The following LINGO2 variants were observed in gnomAD, a reference collection of about 807,000 sequenced individuals.
LINGO2 encodes the protein leucine-rich repeat and immunoglobulin-like domain-containing nogo receptor-interacting protein 2.
A neutral mutation model predicts 30.6 loss-of-function variants in LINGO2; 14 were observed. The ratio of observed to expected loss-of-function variants is 0.46; its 90% CI spans 0.30 to 0.72. The LOEUF (loss-of-function observed/expected upper bound fraction) is 0.72. Among genes scored for constraint, LINGO2 ranks in the 30% least tolerant of loss-of-function variants. The pLI is 0.07. For missense variants in LINGO2, 729 were observed against 751.7 expected (o/e 0.97, Z 0.35); for synonymous variants, 317 against 288.5 (o/e 1.10, Z -1.00).
the LINGO2 span, among the ~76,000 whole-genome samples, chr9:28,806,701 A>G: frequency 2.6e-5 from 4 of 152,268 alleles, no homozygotes; most frequent in Admixed American, 2.0e-4. Flanking sequence ...TAGTGACATA[A>G]ATGATCTATA....
chr9:28,682,049 G>A, the LINGO2 span, among the ~76,000 whole-genome samples: 3 of 152,146 alleles, frequency 2.0e-5, no homozygotes, highest in African/African-American at 7.2e-5. Context: ...TACATAGTAA[G>A]TGTTTTCTGA....
At chr9:28,084,534 T>C (rs890731155) in intron 4 of LINGO2, among the ~76,000 whole-genome samples, 1 of 152,112 alleles carries the variant, frequency 6.6e-6, no homozygotes, top group Non-Finnish European at 1.5e-5. Context: ...AATTTAATTC[T>C]TCAAATTAAA....
the LINGO2 span, among the ~76,000 whole-genome samples, chr9:28,992,069 G>C: frequency 3.3e-5 from 5 of 152,118 alleles, no homozygotes; most frequent in African/African-American, 1.2e-4. Flanking sequence ...ACACAGACTG[G>C]CAAGTTGGAT....
the LINGO2 span, among the ~76,000 whole-genome samples, chr9:28,746,945 T>G: frequency 1.3e-5 from 2 of 152,028 alleles, no homozygotes; most frequent in Non-Finnish European, 2.9e-5. Flanking sequence ...ACTGAATGAC[T>G]ATATGTCACA....
chr9:28,591,397 A>G (rs965990132), intron 1 of LINGO2, among the ~76,000 whole-genome samples: 1 of 152,020 alleles, frequency 6.6e-6, no homozygotes, highest in Non-Finnish European at 1.5e-5. Flanking sequence ...TGTAGCAGAA[A>G]AAAATAATAA....
chr9:29,166,843 T>C, the LINGO2 span, among the ~76,000 whole-genome samples: 1 of 152,052 alleles, frequency 6.6e-6, no homozygotes, highest in Non-Finnish European at 1.5e-5. Flanking sequence ...CAAAATTCAT[T>C]TAGATGCTCA....
chr9:28,649,833 G>A (rs551253906), intron 1 of LINGO2, among the ~76,000 whole-genome samples: 1 of 152,122 alleles, frequency 6.6e-6, no homozygotes, highest in East Asian at 1.9e-4. Context: ...ACAGAAAAAG[G>A]TAATCTAAAG....
the LINGO2 span, among the ~76,000 whole-genome samples, chr9:28,699,104 G>T: frequency 2.7e-3 from 409 of 151,684 alleles, 2 homozygotes; most frequent in African/African-American, 8.7e-3. Context: ...CAATTACTAT[G>T]GTCAATGAAC....
chr9:29,128,085 A>G, the LINGO2 span, among the ~76,000 whole-genome samples: 2 of 152,084 alleles, frequency 1.3e-5, no homozygotes, highest in Non-Finnish European at 2.9e-5. Context: ...GGATGATATA[A>G]GTCAAGATCT....
chr9:28,398,999 C>G (rs1323051555), intron 2 of LINGO2, among the ~76,000 whole-genome samples: 1 of 152,072 alleles, frequency 6.6e-6, no homozygotes, highest in African/African-American at 2.4e-5. Context: ...CTTTGTAGGA[C>G]AAAGGGGATA....
At chr9:28,654,912 C>T (rs1828265041) in intron 1 of LINGO2, among the ~76,000 whole-genome samples, 1 of 152,034 alleles carries the variant, frequency 6.6e-6, no homozygotes. Context: ...GTCATGATAT[C>T]GTTAGGCACT....
chr9:29,123,162 A>T, the LINGO2 span, among the ~76,000 whole-genome samples: 1 of 152,074 alleles, frequency 6.6e-6, no homozygotes, highest in Non-Finnish European at 1.5e-5. Flanking sequence ...ATGTAGACTA[A>T]ATTCATAATT....
intron 5 of LINGO2, among the ~76,000 whole-genome samples, chr9:27,990,259 A>G (rs1002071197): frequency 1.3e-5 from 2 of 149,308 alleles, no homozygotes; most frequent in African/African-American, 5.0e-5. Context: ...CCCTGAAGGC[A>G]GGTATCACAT....
At chr9:28,201,808 T>C (rs1820245684) in intron 4 of LINGO2, among the ~76,000 whole-genome samples, 1 of 151,780 alleles carries the variant, frequency 6.6e-6, no homozygotes, top group African/African-American at 2.4e-5. Context: ...CTCTTTCTCC[T>C]CCCCTTCCTC....
the LINGO2 span, among the ~76,000 whole-genome samples, chr9:28,752,885 C>A: frequency 2.0e-5 from 3 of 151,968 alleles, no homozygotes; most frequent in Non-Finnish European, 2.9e-5. Context: ...TATTTGACCT[C>A]TATGGACCTC....
In LINGO2 at chr9:28,411,259, T is replaced by G. The variant is rs557591944; in HGVS notation, c.-278-38391A>C. Among the ~76,000 whole-genome samples the G allele has an allele frequency of 9.9e-5, 15 of 152,200 alleles. No individual in the cohort carries two copies. The South Asian group carries it at 1.2e-3, about 13-fold the overall frequency. ...TTTAATAAACCACATGCTCCTTTTT[T>G]TTAGGATCTATTTCAAAATCTATCA... is the stretch of plus-strand genomic sequence containing the variant. On this transcript the variant is annotated intron_variant, in intron 2 of 5. Coordinates refer to ENST00000379992, the Ensembl canonical transcript of LINGO2.
chr9:28,723,642 C>T, the LINGO2 span, among the ~76,000 whole-genome samples: 8 of 152,040 alleles, frequency 5.3e-5, no homozygotes, highest in Admixed American at 5.2e-4. Flanking sequence ...GACATCACTC[C>T]TATTATCAAA....
the LINGO2 span, among the ~76,000 whole-genome samples, chr9:28,708,761 T>TTATCTATCTATCTATCTATC: frequency 0.13 from 19,618 of 147,740 alleles, 1,742 homozygotes; most frequent in African/African-American, 0.24. Context: ...TTTAAACTAA[T>TTATCTATCTATCTATCTATC]TATCTATCTA....
chr9:29,140,531 T>C, the LINGO2 span, among the ~76,000 whole-genome samples: 1 of 151,666 alleles, frequency 6.6e-6, no homozygotes, highest in Non-Finnish European at 1.5e-5. Flanking sequence ...ATAAGGAACA[T>C]ATGAAAAATC....
Sources: allele counts gnomAD v4.1 joint callset (sites outside exome capture counted in the v4.1 genomes callset), GRCh38; gene constraint gnomAD v4.1.1; transcripts MANE v1.5; gene names NCBI Gene and HGNC (gene_info 2026-07-23, HGNC 2026-07-21).